Variants in TMEM232 observed in about 807,000 individuals in gnomAD.
The protein encoded by TMEM232 is transmembrane protein 232.
A neutral mutation model predicts 78.8 loss-of-function variants in TMEM232; 80 were observed. The ratio of observed to expected loss-of-function variants is 1.01; its 90% CI spans 0.85 to 1.22. TMEM232 has a LOEUF of 1.22. TMEM232 is among the 50% of genes most tolerant of loss of function. TMEM232 has a pLI of 0.00. For synonymous variants in TMEM232, 297 were observed against 254.3 expected (o/e 1.17, Z -1.60); for missense variants, 881 against 742.2 (o/e 1.19, Z -2.17).
chr5:110,577,075 C>T (rs907478091), intron 10 of TMEM232, among the ~76,000 whole-genome samples: 2 of 151,920 alleles, frequency 1.3e-5, no homozygotes, highest in Non-Finnish European at 2.9e-5. Context: ...GCAAAAGAAA[C>T]TATGAACAGA....
At chr5:110,673,266 A>G (rs1791597559) in intron 1 of TMEM232, among the ~76,000 whole-genome samples, 1 of 151,032 alleles carries the variant, frequency 6.6e-6, no homozygotes, top group South Asian at 2.1e-4. Context: ...GAACACATGG[A>G]CACAGGAAGG....
chr5:110,695,105 T>G (rs942977853), intron 1 of TMEM232, among the ~76,000 whole-genome samples: 4 of 152,218 alleles, frequency 2.6e-5, no homozygotes, highest in Admixed American at 6.5e-5. Flanking sequence ...AAACTGTCTC[T>G]CAGACCACAG....
At chr5:110,422,864 A>G (rs1264755151) in intron 13 of TMEM232, among the ~76,000 whole-genome samples, 3 of 152,116 alleles carry the variant, frequency 2.0e-5, no homozygotes, top group Admixed American at 6.5e-5. Flanking sequence ...ATATACCATT[A>G]TTATTGTCTA....
intron 12 of TMEM232, among the ~76,000 whole-genome samples, chr5:110,433,885 A>G (rs1447048765): frequency 6.6e-6 from 1 of 152,042 alleles, no homozygotes; most frequent in Non-Finnish European, 1.5e-5. Flanking sequence ...GTTTGCTAGT[A>G]TTCTGCTGAG....
intron 1 of TMEM232, among the ~76,000 whole-genome samples, chr5:110,722,948 G>A (rs534725425): frequency 1.9e-4 from 29 of 152,174 alleles, no homozygotes; most frequent in Non-Finnish European, 4.0e-4. Context: ...ATTTTCATGA[G>A]AGAGACTGGT....
At chr5:110,660,360 A>G in intron 2 of TMEM232, among the ~76,000 whole-genome samples, 1 of 152,264 alleles carries the variant, frequency 6.6e-6, no homozygotes. Context: ...TTCTAGAATA[A>G]GAATAAAAAA....
chr5:110,655,153 C>T (rs1788856308), intron 2 of TMEM232, among the ~76,000 whole-genome samples: 1 of 152,108 alleles, frequency 6.6e-6, no homozygotes, highest in Admixed American at 6.6e-5. Flanking sequence ...GCAACCTACT[C>T]ATCTGACAAA....
chr5:110,618,647 A>G (rs1783240745), intron 7 of TMEM232, 85 bp from the exon 8 acceptor site: 1 of 1,304,938 alleles, frequency 7.7e-7, no homozygotes, highest in African/African-American at 1.5e-5. Flanking sequence ...ATGAAAATAA[A>G]TTTTAAATAT....
chr5:110,691,458 T>C (rs1348775590), intron 1 of TMEM232, among the ~76,000 whole-genome samples: 3 of 152,248 alleles, frequency 2.0e-5, no homozygotes, highest in Admixed American at 6.5e-5. Context: ...ATTGGATTTA[T>C]GTTGTATGCC....
intron 11 of TMEM232, among the ~76,000 whole-genome samples, chr5:110,534,357 T>G (rs1199168946): frequency 1.3e-5 from 2 of 152,200 alleles, no homozygotes; most frequent in African/African-American, 4.8e-5. Flanking sequence ...TAATAGTCTT[T>G]CAAAAACACA....
At chr5:110,445,038 T>C (rs1759492878) in intron 12 of TMEM232, among the ~76,000 whole-genome samples, 1 of 152,032 alleles carries the variant, frequency 6.6e-6, no homozygotes, top group African/African-American at 2.4e-5. Flanking sequence ...CTTATTCATA[T>C]ACTATTCTTT....
At chr5:110,693,885 A>C (rs916282958) in intron 1 of TMEM232, among the ~76,000 whole-genome samples, 1 of 152,200 alleles carries the variant, frequency 6.6e-6, no homozygotes. Context: ...ACTCTGTAGG[A>C]TATTATCCAG....
intron 1 of TMEM232, among the ~76,000 whole-genome samples, chr5:110,696,207 T>C (rs865833013): frequency 9.9e-5 from 15 of 152,154 alleles, no homozygotes; most frequent in African/African-American, 3.4e-4. Flanking sequence ...AAAAATCACA[T>C]GATTATCTCA....
intron 1 of TMEM232, among the ~76,000 whole-genome samples, chr5:110,673,990 GA>G (rs35347916): frequency 0.023 from 2,879 of 127,720 alleles, 39 homozygotes; most frequent in Admixed American, 0.027. Context: ...GAGGTAACAT[GA>G]AAAAAAAAAA....
chr5:110,527,343 T>C (rs1770746276), intron 12 of TMEM232, among the ~76,000 whole-genome samples: 1 of 151,918 alleles, frequency 6.6e-6, no homozygotes, highest in Non-Finnish European at 1.5e-5. Context: ...ACTTCTCATT[T>C]GTGGAGGCAA....
At chr5:110,493,667 A>G (rs1414779935) in intron 12 of TMEM232, among the ~76,000 whole-genome samples, 1 of 152,130 alleles carries the variant, frequency 6.6e-6, no homozygotes. Context: ...CCATGACTTC[A>G]AGTCTTTTAA....
intron 11 of TMEM232, among the ~76,000 whole-genome samples, chr5:110,549,380 T>G (rs968963705): frequency 6.6e-6 from 1 of 151,572 alleles, no homozygotes; most frequent in Non-Finnish European, 1.5e-5. Flanking sequence ...TTTGAGGGGC[T>G]GAGGTGGGAT....
chr5:110,693,753 A>C (rs1443392312), intron 1 of TMEM232, among the ~76,000 whole-genome samples: 1 of 152,208 alleles, frequency 6.6e-6, no homozygotes, highest in African/African-American at 2.4e-5. Context: ...AAGTTTAGAG[A>C]AAAAAGAATA....
chr5:110,532,305 G>C (rs907401167), intron 11 of TMEM232, among the ~76,000 whole-genome samples: 2 of 151,466 alleles, frequency 1.3e-5, no homozygotes, highest in African/African-American at 4.9e-5. Context: ...TCGGCTTAGC[G>C]GCTGAAGACT....
Sources: allele counts gnomAD v4.1 joint callset (sites outside exome capture counted in the v4.1 genomes callset), GRCh38; gene constraint gnomAD v4.1.1; transcripts MANE v1.5; gene names NCBI Gene and HGNC (gene_info 2026-07-23, HGNC 2026-07-21).